The following PDE4D variants were observed in gnomAD, a reference collection of about 807,000 sequenced individuals.
PDE4D encodes phosphodiesterase 4D.
A neutral mutation model predicts 87.4 loss-of-function variants in PDE4D; 24 were observed. The ratio of observed to expected loss-of-function variants is 0.27; its 90% confidence interval spans 0.20 to 0.39. The LOEUF is 0.39. PDE4D is among the 10% of genes least tolerant of loss of function. The probability of loss-of-function intolerance (pLI) is 1.00; values close to 1 mark genes in which losing one functional copy is unlikely to be tolerated. For missense variants in PDE4D, 714 were observed against 1,041.0 expected (o/e 0.69, Z 4.32); for synonymous variants, 384 against 383.2 (o/e 1.00, Z -0.02).
At chr5:59,543,956 C>A (rs868127600) in intron 1 of PDE4D, among the ~76,000 whole-genome samples, 2 of 152,174 alleles carry the variant, frequency 1.3e-5, no homozygotes, top group Admixed American at 6.6e-5. Flanking sequence ...AGGAAGCAGT[C>A]ACAGCTTGAC....
intron 5 of PDE4D, among the ~76,000 whole-genome samples, chr5:59,043,706 T>TC (rs549924781): frequency 1.3e-5 from 2 of 151,454 alleles, no homozygotes; most frequent in Non-Finnish European, 2.9e-5. Context: ...CCCTCCCCCT[T>TC]CCCCCCACCC....
rs5868227 is a variant in PDE4D, at chr5:60,226,833, T to TCACACA, written c.-89-41152_-89-41147dup. ...AGGTGTCTTTGTTAATTTCTACACA[T>TCACACA]CACACACACACACACACACACACCA... On this transcript the variant is annotated intron_variant, in intron 1 of 16. Transcript: ENST00000502484. Among the ~76,000 whole-genome samples, 27 of 148,474 alleles carry TCACACA rather than the reference T, an allele frequency of 1.8e-4. No homozygotes were observed. In the East Asian group the frequency reaches 2.8e-3, roughly 15 times the overall value.
chr5:59,796,113 C>T (rs1490092105), intron 1 of PDE4D, among the ~76,000 whole-genome samples: 1 of 152,184 alleles, frequency 6.6e-6, no homozygotes, highest in African/African-American at 2.4e-5. Context: ...TACTTCCTTA[C>T]AGCAGCCCTA....
intron 1 of PDE4D, among the ~76,000 whole-genome samples, chr5:59,872,042 C>T (rs947063558): frequency 7.9e-5 from 12 of 152,070 alleles, no homozygotes; most frequent in East Asian, 3.9e-4. Flanking sequence ...ACCAAGCCCA[C>T]GACTTCCCTT....
chr5:59,951,957 A>C (rs1758336121), intron 3 of PDE4D, among the ~76,000 whole-genome samples: 1 of 152,176 alleles, frequency 6.6e-6, no homozygotes, highest in African/African-American at 2.4e-5. Flanking sequence ...TCTGTCCCTG[A>C]TATGATTAGG....
At chr5:59,332,349 CTG>C (rs948593674) in intron 1 of PDE4D, among the ~76,000 whole-genome samples, 2 of 151,990 alleles carry the variant, frequency 1.3e-5, no homozygotes, top group Non-Finnish European at 2.9e-5. Context: ...GAGAGAAACA[CTG>C]TTATTTTTAT....
intron 1 of PDE4D, among the ~76,000 whole-genome samples, chr5:60,360,146 G>A (rs1029926232): frequency 6.6e-6 from 1 of 152,142 alleles, no homozygotes; most frequent in African/African-American, 2.4e-5. Flanking sequence ...CTGTGACCTG[G>A]GAGCAGGGGT....
intron 1 of PDE4D, among the ~76,000 whole-genome samples, chr5:59,375,618 A>G (rs244582): frequency 0.26 from 39,060 of 152,124 alleles, 5,601 homozygotes; most frequent in East Asian, 0.39. Context: ...TACAAAGAAG[A>G]GATGGTACCA....
chr5:59,069,239 T>C (rs1335092216), intron 5 of PDE4D, among the ~76,000 whole-genome samples: 3 of 152,182 alleles, frequency 2.0e-5, no homozygotes, highest in Non-Finnish European at 4.4e-5. Flanking sequence ...CAGTTTTACC[T>C]CTTTTACAAT....
chr5:60,040,413 T>C (rs1768339210), intron 2 of PDE4D, among the ~76,000 whole-genome samples: 2 of 152,200 alleles, frequency 1.3e-5, no homozygotes, highest in Admixed American at 6.5e-5. Context: ...AGCCTCCAGG[T>C]TGGGTGGAAA....
At chr5:59,042,020 A>C (rs534778365) in intron 5 of PDE4D, among the ~76,000 whole-genome samples, 14 of 152,318 alleles carry the variant, frequency 9.2e-5, no homozygotes, top group African/African-American at 3.1e-4. Context: ...ATGATGATAA[A>C]ATGGGGTAAG....
rs146827902 is a variant in PDE4D at position 60,233,196 on chromosome 5, T to TAC, written c.-89-47511_-89-47510dup. Among the ~76,000 whole-genome samples the TAC allele has an allele frequency of 4.4e-3, 642 of 147,498 alleles. 1 individual carries two copies. Among genetic ancestry groups the TAC allele is most frequent in the African/African-American group, 5.5e-3 (223 of 40,400 alleles). On this transcript the variant is annotated intron_variant, in intron 1 of 16. Coordinates refer to the PDE4D transcript ENST00000502484. ...GGTCGTTGTCACACACACACACACA[T>TAC]ACACACACACACACACACACTGAGC...
chr5:60,360,971 C>T (rs1760010737), intron 1 of PDE4D, among the ~76,000 whole-genome samples: 1 of 152,190 alleles, frequency 6.6e-6, no homozygotes. Flanking sequence ...CAACTTGCAA[C>T]ATCATTATGA....
intron 3 of PDE4D, among the ~76,000 whole-genome samples, chr5:59,189,257 T>TG (rs1454333176): frequency 2.1e-5 from 3 of 143,700 alleles, no homozygotes; most frequent in East Asian, 4.1e-4. Context: ...TTTTTTGTTT[T>TG]TTTTTTTTTG....
chr5:59,354,748 G>A (rs1163277019), intron 1 of PDE4D, among the ~76,000 whole-genome samples: 1 of 152,164 alleles, frequency 6.6e-6, no homozygotes, highest in African/African-American at 2.4e-5. Flanking sequence ...ATCATATCAA[G>A]TTGGCTATGC....
intron 1 of PDE4D, among the ~76,000 whole-genome samples, chr5:59,734,668 G>A (rs1580758319): frequency 6.6e-6 from 1 of 151,454 alleles, no homozygotes; most frequent in Non-Finnish European, 1.5e-5. Context: ...AAATCATTTC[G>A]ATTTCATTGG....
Position 59,911,316 on chromosome 5 carries a change from G to A in PDE4D, c.272+77172C>T, listed in dbSNP as rs1448309077. ...GAGATATTTTTTGGACCCTGAACTC[G>A]AAGGATCAGCTGGCACCACCCAGAT... On this transcript the variant is annotated intron_variant, in intron 3 of 16. Transcript: ENST00000502484. 5.3e-5 allele frequency among the ~76,000 whole-genome samples: 8 copies of A among 152,120 alleles called. No homozygotes were observed. In the South Asian group the frequency reaches 8.3e-4, roughly 16 times the overall value.
chr5:59,574,365 T>G, intron 1 of PDE4D, among the ~76,000 whole-genome samples: 1 of 151,294 alleles, frequency 6.6e-6, no homozygotes, highest in Admixed American at 6.6e-5. Context: ...TTGGTTGTCT[T>G]AAATGCTGCC....
At chr5:59,015,909 TGTG>T (rs1412800760) in intron 6 of PDE4D, among the ~76,000 whole-genome samples, 1 of 151,964 alleles carries the variant, frequency 6.6e-6, no homozygotes, top group Non-Finnish European at 1.5e-5. Flanking sequence ...ATTAAGAAAA[TGTG>T]GCACATACAC....
Sources: allele counts gnomAD v4.1 joint callset (sites outside exome capture counted in the v4.1 genomes callset), GRCh38; gene constraint gnomAD v4.1.1; transcripts MANE v1.5; gene names NCBI Gene and HGNC (gene_info 2026-07-23, HGNC 2026-07-21).